Variants in RBM47 observed in about 807,000 individuals in gnomAD.
RBM47 encodes RNA-binding protein 47.
Under a neutral mutation model 47.1 loss-of-function variants are expected in RBM47, and 21 were observed. The ratio of observed to expected loss-of-function variants is 0.45; its 90% CI spans 0.32 to 0.64. The LOEUF (loss-of-function observed/expected upper bound fraction) is 0.64, where lower values mean the gene tolerates loss of function less well. RBM47 is among the 30% of genes least tolerant of loss of function. RBM47 has a pLI of 0.05. For missense variants in RBM47, 708 were observed against 870.9 expected (o/e 0.81, Z 2.35); for synonymous variants, 375 against 361.7 (o/e 1.04, Z -0.42).
chr4:40,443,131 A>G (rs1213862413), intron 3 of RBM47, among the ~76,000 whole-genome samples: 2 of 152,180 alleles, frequency 1.3e-5, no homozygotes, highest in African/African-American at 4.8e-5. Flanking sequence ...GACAGAAAGT[A>G]GACTAGTGGT....
At chr4:40,445,599 A>G (rs1022396846) in intron 3 of RBM47, among the ~76,000 whole-genome samples, 3 of 152,200 alleles carry the variant, frequency 2.0e-5, no homozygotes, top group African/African-American at 7.2e-5. Context: ...AGTTAACTGA[A>G]TTACGCTTCA....
chr4:40,588,402 G>T (rs1324297208), intron 1 of RBM47, among the ~76,000 whole-genome samples: 6 of 152,258 alleles, frequency 3.9e-5, no homozygotes, highest in African/African-American at 1.2e-4. Flanking sequence ...GACCTAGAAG[G>T]TCCTTACACA....
intron 2 of RBM47, among the ~76,000 whole-genome samples, chr4:40,495,389 G>A (rs1444128130): frequency 3.3e-5 from 5 of 152,098 alleles, no homozygotes; most frequent in African/African-American, 1.2e-4. Flanking sequence ...ATCACTTGAG[G>A]CCAGGAGTTG....
At chr4:40,509,663 C>T (rs1028944903) in intron 2 of RBM47, among the ~76,000 whole-genome samples, 2 of 149,930 alleles carry the variant, frequency 1.3e-5, no homozygotes, top group Admixed American at 6.7e-5. Flanking sequence ...AGGTGGATCA[C>T]GAGGTCAGGA....
intron 1 of RBM47, among the ~76,000 whole-genome samples, chr4:40,619,040 C>T (rs62301886): frequency 3.9e-5 from 6 of 152,002 alleles, no homozygotes; most frequent in Non-Finnish European, 7.4e-5. Context: ...TGGCCACTGC[C>T]GGCCTCAGAC....
chr4:40,535,812 C>A (rs1434718545), intron 2 of RBM47, among the ~76,000 whole-genome samples: 3 of 152,236 alleles, frequency 2.0e-5, no homozygotes, highest in Non-Finnish European at 4.4e-5. Flanking sequence ...CCCACCTTGA[C>A]CTCTCAAAGT....
At chr4:40,579,151 G>T (rs1342066737) in intron 1 of RBM47, among the ~76,000 whole-genome samples, 1 of 149,360 alleles carries the variant, frequency 6.7e-6, no homozygotes, top group East Asian at 2.0e-4. Flanking sequence ...AGCCAGGCAC[G>T]GTGGCTCACG....
chr4:40,461,146 G>GAAATT (rs1717084191), intron 3 of RBM47, among the ~76,000 whole-genome samples: 1 of 152,148 alleles, frequency 6.6e-6, no homozygotes, highest in South Asian at 2.1e-4. Context: ...CAGGTGTCAG[G>GAAATT]AAATTTATGA....
intron 1 of RBM47, among the ~76,000 whole-genome samples, chr4:40,583,309 G>A (rs138635825): frequency 0.052 from 7,650 of 147,392 alleles, 460 homozygotes; most frequent in East Asian, 0.21. Flanking sequence ...AGCTACTTGG[G>A]AGGCTGAGGC....
chr4:40,609,811 C>T (rs1350854702), intron 1 of RBM47, among the ~76,000 whole-genome samples: 1 of 151,906 alleles, frequency 6.6e-6, no homozygotes, highest in Non-Finnish European at 1.5e-5. Context: ...AAGGCTCATT[C>T]AAGCCAGGCG....
Position 40,621,056 on chromosome 4 carries a change from A to G in RBM47, c.-240+8340T>C, listed in dbSNP as rs547891284. Among the ~76,000 whole-genome samples, 22 of 152,172 alleles carry G rather than the reference A, an allele frequency of 1.4e-4. No homozygotes were observed. The East Asian group carries it at 3.7e-3, about 25-fold the overall frequency. On this transcript the variant is annotated intron_variant, in intron 1 of 6. Coordinates refer to ENST00000295971, the MANE Select transcript of RBM47 (RefSeq NM_001098634.2). ...AATAATTCTAAATCAGCCACAAACCATGACTGACAATAGTCAGAAATAACT... is the reference window on the plus strand; with the variant it reads ...AATAATTCTAAATCAGCCACAAACCGTGACTGACAATAGTCAGAAATAACT...
chr4:40,533,546 T>C (rs562312554), intron 2 of RBM47, among the ~76,000 whole-genome samples: 10 of 152,046 alleles, frequency 6.6e-5, no homozygotes, highest in Non-Finnish European at 1.5e-4. Flanking sequence ...AGGTTATCTA[T>C]ACATTTTTAA....
intron 3 of RBM47, among the ~76,000 whole-genome samples, chr4:40,444,605 C>T (rs376393768): frequency 7.9e-5 from 12 of 151,676 alleles, no homozygotes; most frequent in East Asian, 3.9e-4. Flanking sequence ...CTGCTTGCTA[C>T]GTATAATAGT....
chr4:40,618,864 T>C (rs1198645055), intron 1 of RBM47, among the ~76,000 whole-genome samples: 1 of 150,218 alleles, frequency 6.7e-6, no homozygotes, highest in East Asian at 1.9e-4. Flanking sequence ...CTTGGGATGT[T>C]TGAACAGGAA....
chr4:40,481,445 G>GTATTATTAT (rs71647001), intron 2 of RBM47, among the ~76,000 whole-genome samples: 61 of 126,948 alleles, frequency 4.8e-4, no homozygotes, highest in East Asian at 9.3e-4. Context: ...GCTAATTTTT[G>GTATTATTAT]TATTATTATT....
At chr4:40,505,329 T>A (rs1255561514) in intron 2 of RBM47, among the ~76,000 whole-genome samples, 1 of 151,814 alleles carries the variant, frequency 6.6e-6, no homozygotes, top group African/African-American at 2.4e-5. Context: ...CCGTCTCTAC[T>A]AAAAACACAC....
chr4:40,524,950 G>A (rs193193132), intron 2 of RBM47, among the ~76,000 whole-genome samples: 2 of 152,290 alleles, frequency 1.3e-5, no homozygotes, highest in East Asian at 3.9e-4. Context: ...CCTGATCCAG[G>A]CCACTGGATA....
chr4:40,525,218 G>A (rs1479476510), intron 2 of RBM47, among the ~76,000 whole-genome samples: 1 of 152,152 alleles, frequency 6.6e-6, no homozygotes, highest in Non-Finnish European at 1.5e-5. Flanking sequence ...TGCGCAGATT[G>A]CTTGAGGCCA....
At chr4:40,609,070 T>TG (rs1350303600) in intron 1 of RBM47, among the ~76,000 whole-genome samples, 1 of 152,158 alleles carries the variant, frequency 6.6e-6, no homozygotes, top group African/African-American at 2.4e-5. Context: ...CTCAGCTCAC[T>TG]GCAGCTCCGC....
Sources: gnomAD v4.1 joint callset for allele counts (sites outside exome capture counted in the v4.1 genomes callset) on GRCh38, gnomAD v4.1.1 for gene constraint, MANE v1.5 for transcripts, NCBI Gene and HGNC (gene_info 2026-07-23, HGNC 2026-07-21) for gene names.